The following PIWIL3 variants were observed in gnomAD, a reference collection of about 807,000 sequenced individuals.
PIWIL3 encodes piwi-like protein 3.
In PIWIL3, 101 loss-of-function variants were observed where a neutral mutation model predicts 109.7. That is an observed-to-expected ratio of 0.92 (90% confidence interval 0.78 to 1.09). The LOEUF is 1.09. Among genes scored for constraint, PIWIL3 ranks in the 50% least tolerant of loss-of-function variants. The pLI is 0.00. For synonymous variants in PIWIL3, 373 were observed against 376.4 expected, an observed-to-expected ratio of 0.99 and a Z score of 0.10; for missense variants, 1,031 against 1,072.6, an observed-to-expected ratio of 0.96 and a Z score of 0.54.
chr22:24,728,413 C>T (rs1923126203), intron 14 of PIWIL3, 39 bp from the exon 15 acceptor site: 2 of 1,612,316 alleles, frequency 1.2e-6, no homozygotes, highest in Admixed American at 1.7e-5. Flanking sequence ...TAAGATACAA[C>T]AACAGTGATA....
chr22:24,761,840 A>C (rs886145082), intron 2 of PIWIL3: 1 of 600,140 alleles, frequency 1.7e-6, no homozygotes, highest in African/African-American at 2.0e-5. Context: ...GGCTTAGGAG[A>C]AGGAGAGGAG....
chr22:24,759,958 G>A lies in PIWIL3; in HGVS notation c.134C>T (p.Pro45Leu), dbSNP rs149513819. ...TGGGACTTCCTCCTGCAGCGGCCGG[G>A]GTGTCGACTGCAACTGAGGGGGCTC... ...TQEPPQLQST[P>L]RPLQEEVPVV... is the part of the protein sequence containing the mutation. The change falls in exon 3 of 21, where the codon CCC becomes CTC. Residue 45 changes from proline to leucine, a missense_variant. By Grantham distance (98) the Pro-to-Leu change is moderately conservative. Transcript: ENST00000616349. 119 of 1,614,026 alleles carry A rather than the reference G, an allele frequency of 7.4e-5. No individual in the cohort carries two copies. In the African/African-American group the frequency reaches 1.5e-3, roughly 20 times the overall value.
chr22:24,738,762 C>T (rs748953201), intron 12 of PIWIL3, among the ~76,000 whole-genome samples: 4 of 152,138 alleles, frequency 2.6e-5, no homozygotes, highest in Non-Finnish European at 5.9e-5. Flanking sequence ...TGAATACAAA[C>T]AAGCCCAGAT....
At chr22:24,751,260 G>A (rs1924693849) in intron 9 of PIWIL3, 127 bp downstream of exon 9, 2 of 945,224 alleles carry the variant, frequency 2.1e-6, no homozygotes, top group Admixed American at 5.4e-5. Flanking sequence ...GATAAGTCAA[G>A]CTATAATCCC....
chr22:24,770,221 G>A (rs1013837683), intron 1 of PIWIL3, among the ~76,000 whole-genome samples: 3 of 152,174 alleles, frequency 2.0e-5, no homozygotes, highest in African/African-American at 4.8e-5. Flanking sequence ...AGTATTGAAG[G>A]CAAGACTCAA....
chr22:24,769,242 G>A (rs1318721527), intron 1 of PIWIL3, among the ~76,000 whole-genome samples: 1 of 152,160 alleles, frequency 6.6e-6, no homozygotes, highest in Non-Finnish European at 1.5e-5. Context: ...GTTATGTTGT[G>A]TTGTTTAAAG....
Position 24,723,121 on chromosome 22 carries a change from G to C in PIWIL3, c.2357+9C>G. 1 of 1,612,228 alleles carries C rather than the reference G, an allele frequency of 6.2e-7. No individual in the cohort carries two copies. The highest frequency in any genetic ancestry group is 8.5e-7 in the Non-Finnish European group (1 of 1,178,666). On this transcript the variant is annotated intron_variant, in intron 19 of 20. Coordinates refer to ENST00000616349, the MANE Select transcript of PIWIL3 (RefSeq NM_001255975.1). ...ATAGAACCATGTGCAAAAAATACAG[G>C]TGGCTTACCATTCATTCCTAGTCAA...
At chr22:24,729,915 T>C (rs1923232529) in intron 14 of PIWIL3, among the ~76,000 whole-genome samples, 1 of 151,920 alleles carries the variant, frequency 6.6e-6, no homozygotes, top group African/African-American at 2.4e-5. Context: ...GAATCTATAC[T>C]GATGGATTCT....
At chr22:24,756,323 A>G (rs1296251383) in intron 5 of PIWIL3, among the ~76,000 whole-genome samples, 168 bp downstream of exon 5, 3 of 152,222 alleles carry the variant, frequency 2.0e-5, no homozygotes, top group Admixed American at 6.5e-5. Flanking sequence ...GCATTATTGA[A>G]TATCAGTGAT....
Position 24,756,622 on chromosome 22 carries a change from C to T in PIWIL3, c.439G>A (p.Val147Ile), listed in dbSNP as rs779523659. ...TCTTCTATGTCTGGTTTGTAGTCAA[C>T]GTTGTATTTATATGCAACCCACTGA... is the stretch of plus-strand genomic sequence containing the variant. ...RPQWVAYKYN[V>I]DYKPDIEDGN... Residue 147 changes from valine (V) to isoleucine (I), a missense_variant, in exon 5 of 21, where the codon GTT (valine) becomes ATT (isoleucine). Val to Ile is a conservative substitution (Grantham distance 29). Transcript: ENST00000616349. 8.7e-6 allele frequency: 14 copies of T among 1,613,784 alleles called. No individual in the cohort carries two copies. Among genetic ancestry groups the T allele is most frequent in the African/African-American group, 4.0e-5 (3 of 74,894 alleles).
Position 24,749,444 on chromosome 22 carries a change from T to G in PIWIL3, c.1294A>C (p.Arg432=), listed in dbSNP as rs773265720. Reference sequence around the variant, plus strand: ...ATGAATTCTTTTAATGTATGATGCCTTCTTCTTGGACTCAATCTTGTATGT... The same window carrying G: ...ATGAATTCTTTTAATGTATGATGCCGTCTTCTTGGACTCAATCTTGTATGT... The part of the protein sequence containing the change: ...AKHTRLSPRR[R]HHTLKEFINT... The change falls in exon 11 of 21, where the codon AGG becomes CGG. Residue 432 remains arginine (R), a synonymous_variant. Transcript: ENST00000616349. 7 of 1,613,974 alleles carry G rather than the reference T, an allele frequency of 4.3e-6. No individual in the cohort carries two copies. Among genetic ancestry groups the G allele is most frequent in the African/African-American group, 1.3e-5 (1 of 75,058 alleles).
At chr22:24,730,057 T>C (rs1923246318) in intron 14 of PIWIL3, among the ~76,000 whole-genome samples, 1 of 152,072 alleles carries the variant, frequency 6.6e-6, no homozygotes, top group African/African-American at 2.4e-5. Context: ...ATTAGAATTA[T>C]GTGTACAGAT....
At chr22:24,753,972 G>A in intron 8 of PIWIL3, 42 bp downstream of exon 8, 1 of 1,495,388 alleles carries the variant, frequency 6.7e-7, no homozygotes, top group Non-Finnish European at 9.3e-7. Context: ...GGGGGAAGGG[G>A]GAGTTAAAGT....
Position 24,734,168 on chromosome 22 carries a change from A to G in PIWIL3, c.1635-12T>C, listed in dbSNP as rs1393913348. On this transcript the variant is annotated splice_polypyrimidine_tract_variant and intron_variant, in intron 13 of 20. Transcript: ENST00000616349. ...CATCTACTTCAATCCTAAAAAATAA[A>G]TATAGCATCCACATCCAAAAGATAC... The G allele has an allele frequency of 9.3e-6, 15 of 1,609,382 alleles. No individual in the cohort carries two copies. Among genetic ancestry groups the G allele is most frequent in the Non-Finnish European group, 1.2e-5 (14 of 1,178,692 alleles).
intron 12 of PIWIL3, among the ~76,000 whole-genome samples, chr22:24,737,608 T>C (rs1923734009): frequency 6.6e-6 from 1 of 152,198 alleles, no homozygotes; most frequent in Non-Finnish European, 1.5e-5. Flanking sequence ...AGGTGCCATC[T>C]CAGCCACAGT....
chr22:24,731,880 G>T (rs1923372438), intron 14 of PIWIL3, among the ~76,000 whole-genome samples: 1 of 152,140 alleles, frequency 6.6e-6, no homozygotes, highest in Non-Finnish European at 1.5e-5. Context: ...CGGCCCCTCA[G>T]TTTGCTCCGG....
At chr22:24,767,897 C>A (rs1397941846) in intron 1 of PIWIL3, among the ~76,000 whole-genome samples, 1 of 152,204 alleles carries the variant, frequency 6.6e-6, no homozygotes, top group Non-Finnish European at 1.5e-5. Context: ...CTACCTATCC[C>A]CAGAGCCAAC....
intron 19 of PIWIL3, 44 bp from the exon 20 acceptor site, chr22:24,719,939 G>A (rs779636092): frequency 1.3e-6 from 2 of 1,495,822 alleles, no homozygotes; most frequent in Non-Finnish European, 9.2e-7. Context: ...TTTAGAAAGA[G>A]GGTATATAGT....
chr22:24,755,342 G>A (rs934642727), intron 6 of PIWIL3, among the ~76,000 whole-genome samples: 1 of 152,108 alleles, frequency 6.6e-6, no homozygotes, highest in East Asian at 1.9e-4. Flanking sequence ...AAGCTGGTCT[G>A]GAACTCCTAA....
Sources: gnomAD v4.1 joint callset for allele counts (sites outside exome capture counted in the v4.1 genomes callset) on GRCh38, gnomAD v4.1.1 for gene constraint, MANE v1.5 for transcripts, NCBI Gene and HGNC (gene_info 2026-07-23, HGNC 2026-07-21) for gene names.